The following MEGF10 variants were observed in gnomAD, a reference collection of about 807,000 sequenced individuals.
MEGF10 encodes the protein multiple EGF like domains 10.
In MEGF10, 86 loss-of-function variants were observed where a neutral mutation model predicts 147.5. The ratio of observed to expected loss-of-function variants is 0.58; its 90% CI spans 0.49 to 0.70. The LOEUF (loss-of-function observed/expected upper bound fraction) is 0.70. Ranked by LOEUF, MEGF10 falls within the 30% of genes least tolerant of loss-of-function variation. The pLI, the probability that MEGF10 is intolerant of heterozygous loss-of-function variation, is 0.00. For synonymous variants in MEGF10, 478 were observed against 525.5 expected (o/e 0.91, Z 1.24); for missense variants, 1,329 against 1,487.3 (o/e 0.89, Z 1.75).
At chr5:127,308,194 C>A (rs1035899611) in intron 1 of MEGF10, among the ~76,000 whole-genome samples, 1 of 151,998 alleles carries the variant, frequency 6.6e-6, no homozygotes, top group African/African-American at 2.4e-5. Flanking sequence ...TTAGCAATTA[C>A]GAGAGAGGAG....
intron 9 of MEGF10, among the ~76,000 whole-genome samples, chr5:127,416,940 G>A (rs2126965944): frequency 6.6e-6 from 1 of 152,330 alleles, no homozygotes; most frequent in African/African-American, 2.4e-5. Context: ...CCTAGTTAAG[G>A]GAGGGTTTTA....
At chr5:127,251,647 A>G in the MEGF10 span, among the ~76,000 whole-genome samples, 9 of 152,068 alleles carry the variant, frequency 5.9e-5, no homozygotes, top group African/African-American at 1.2e-4. Context: ...AAAGAAATAC[A>G]TTTAGACATA....
At chr5:127,330,703 C>T (rs1391410212) in intron 1 of MEGF10, among the ~76,000 whole-genome samples, 3 of 152,234 alleles carry the variant, frequency 2.0e-5, no homozygotes, top group Middle Eastern at 3.4e-3. Flanking sequence ...AAACTTATGT[C>T]ATGATTACTA....
chr5:127,250,873 A>C, the MEGF10 span, among the ~76,000 whole-genome samples: 1 of 152,142 alleles, frequency 6.6e-6, no homozygotes, highest in Admixed American at 6.6e-5. Context: ...TCAATAATAT[A>C]CTAAAGAATG....
In MEGF10 at chr5:127,339,160, G is replaced by A; in HGVS notation, c.157G>A (p.Asp53Asn). 1 of 1,612,418 alleles carries A rather than the reference G, an allele frequency of 6.2e-7. No individual in the cohort carries two copies. Among genetic ancestry groups the A allele is most frequent in the Non-Finnish European group, 8.5e-7 (1 of 1,178,840 alleles). The change falls in exon 3 of 25, where the codon GAT becomes AAT. Residue 53 changes from aspartate to asparagine, a missense_variant. Asp to Asn is a conservative substitution (Grantham distance 23, BLOSUM62 1). Around this residue, in one of 3 missense-constraint regions of MEGF10, gnomAD observed 980 missense variants for 1,085.9 expected, o/e 0.90. Coordinates refer to ENST00000503335, the MANE Select transcript of MEGF10 (RefSeq NM_001256545.2). ...TVQESYPHPF[D>N]QIYYTSCTDI... ...GCAAGAGTCATACCCACATCCCTTT[G>A]ATCAAATTTACTACACGAGCTGCAC...
intron 9 of MEGF10, among the ~76,000 whole-genome samples, chr5:127,416,858 A>G (rs1315953303): frequency 6.6e-6 from 1 of 152,198 alleles, no homozygotes; most frequent in African/African-American, 2.4e-5. Context: ...AGAGTAGAAA[A>G]TCTATGAACA....
chr5:127,268,142 A>G, the MEGF10 span, among the ~76,000 whole-genome samples: 728 of 152,134 alleles, frequency 4.8e-3, 8 homozygotes, highest in African/African-American at 0.016. Context: ...TTGGTTTCAA[A>G]GAACATCTAT....
intron 1 of MEGF10, among the ~76,000 whole-genome samples, chr5:127,326,093 T>A (rs1056619716): frequency 6.6e-5 from 10 of 151,298 alleles, no homozygotes; most frequent in East Asian, 2.0e-4. Context: ...TTTTTTTTTT[T>A]AAATAAGGAT....
intron 1 of MEGF10, among the ~76,000 whole-genome samples, chr5:127,311,238 C>T (rs1760276030): frequency 6.6e-6 from 1 of 152,114 alleles, no homozygotes; most frequent in Non-Finnish European, 1.5e-5. Context: ...ACTACACATC[C>T]AAACACTACA....
intron 5 of MEGF10, among the ~76,000 whole-genome samples, chr5:127,370,222 A>C (rs1346184557): frequency 6.6e-6 from 1 of 152,204 alleles, no homozygotes; most frequent in Non-Finnish European, 1.5e-5. Flanking sequence ...AAAGAAGGAA[A>C]TTTCAGTGAT....
chr5:127,369,270 C>T (rs1455779480), intron 4 of MEGF10, among the ~76,000 whole-genome samples: 1 of 152,162 alleles, frequency 6.6e-6, no homozygotes, highest in South Asian at 2.1e-4. Flanking sequence ...CTCATGTTTG[C>T]AGTGATGCCC....
At chr5:127,403,558 C>T (rs1764210673) in intron 8 of MEGF10, among the ~76,000 whole-genome samples, 1 of 151,990 alleles carries the variant, frequency 6.6e-6, no homozygotes, top group Admixed American at 6.6e-5. Flanking sequence ...TTTTTTTGTA[C>T]CCATTAACCA....
intron 8 of MEGF10, among the ~76,000 whole-genome samples, chr5:127,406,529 G>A (rs1258189905): frequency 1.3e-5 from 2 of 152,162 alleles, no homozygotes; most frequent in East Asian, 1.9e-4. Flanking sequence ...ATAGGCTGGG[G>A]TCTTAATTTG....
intron 1 of MEGF10, among the ~76,000 whole-genome samples, chr5:127,320,590 G>A (rs1163714029): frequency 2.6e-5 from 4 of 152,076 alleles, no homozygotes; most frequent in Non-Finnish European, 5.9e-5. Context: ...ATACATATGC[G>A]ATTGGCCAGG....
the MEGF10 span, among the ~76,000 whole-genome samples, chr5:127,254,558 T>C: frequency 2.6e-4 from 40 of 152,202 alleles, no homozygotes; most frequent in Admixed American, 2.0e-3. Context: ...ACACCTGTAA[T>C]CCTAGCACTT....
chr5:127,278,806 C>G, the MEGF10 span, among the ~76,000 whole-genome samples: 1 of 152,102 alleles, frequency 6.6e-6, no homozygotes, highest in East Asian at 1.9e-4. Flanking sequence ...CTTCAACTGA[C>G]AGTGAAGATG....
At chr5:127,386,035 G>A (rs1327634150) in intron 5 of MEGF10, among the ~76,000 whole-genome samples, 1 of 152,172 alleles carries the variant, frequency 6.6e-6, no homozygotes, top group Non-Finnish European at 1.5e-5. Flanking sequence ...TCAAGCCCAG[G>A]AGTTAGAGGT....
chr5:127,358,783 C>G (rs1359726340), intron 4 of MEGF10, among the ~76,000 whole-genome samples: 1 of 152,142 alleles, frequency 6.6e-6, no homozygotes, highest in East Asian at 1.9e-4. Flanking sequence ...GGAATTTGTG[C>G]TCAGGAAAAC....
chr5:127,331,935 TA>T (rs780264043), intron 2 of MEGF10, among the ~76,000 whole-genome samples: 42 of 151,998 alleles, frequency 2.8e-4, no homozygotes, highest in Non-Finnish European at 5.0e-4. Context: ...AAGAACTGAA[TA>T]AGATGAGTGG....
Sources: allele counts gnomAD v4.1 joint callset (sites outside exome capture counted in the v4.1 genomes callset), GRCh38; gene constraint gnomAD v4.1.1; regional missense constraint gnomAD v4.1.1; transcripts MANE v1.5; gene names NCBI Gene and HGNC (gene_info 2026-07-23, HGNC 2026-07-21).